Variants in CHODL observed in about 807,000 individuals in gnomAD.
CHODL encodes transmembrane protein MT75.
In CHODL, 29 loss-of-function variants were observed where a neutral mutation model predicts 34.5. That is an observed-to-expected ratio of 0.84 (90% CI 0.63 to 1.15). The LOEUF (loss-of-function observed/expected upper bound fraction) is 1.15. CHODL is among the 50% of genes most tolerant of loss of function. The pLI is 0.00. For missense variants in CHODL, 332 were observed against 332.5 expected (o/e 1.00, Z 0.01); for synonymous variants, 125 against 116.1 (o/e 1.08, Z -0.49).
At chr21:18,009,036 G>C (rs1323812342) in intron 1 of CHODL, among the ~76,000 whole-genome samples, 2 of 152,124 alleles carry the variant, frequency 1.3e-5, no homozygotes, top group African/African-American at 2.4e-5. Flanking sequence ...ACAAGTAAAA[G>C]AGAAAAATAT....
intron 1 of CHODL, among the ~76,000 whole-genome samples, chr21:17,974,328 A>T (rs796930743): frequency 1.3e-5 from 2 of 152,230 alleles, no homozygotes; most frequent in African/African-American, 4.8e-5. Context: ...GCTGGAGTGC[A>T]ATGGTGCGGT....
chr21:18,126,787 A>G (rs955253427), intron 2 of CHODL, among the ~76,000 whole-genome samples: 1 of 152,358 alleles, frequency 6.6e-6, no homozygotes, highest in African/African-American at 2.4e-5. Context: ...AATGCAAATC[A>G]TTCTTCAACT....
At position 17,987,418 on chromosome 21, in the gene CHODL, TCTAC is replaced by T. The variant is rs369222401; in HGVS notation, c.-144-40450_-144-40447del. On this transcript the variant is annotated intron_variant, in intron 1 of 6. Transcript: ENST00000400127. ...TTTTCTAAAAAATATAGCCACTTAT[TCTAC>T]CTAGTAGTGTGTTTGGCATCATTAG... Among the ~76,000 whole-genome samples the T allele has an allele frequency of 2.5e-3, 383 of 152,310 alleles. 4 individuals are homozygous for T. Among genetic ancestry groups the T allele is most frequent in the African/African-American group, 8.9e-3 (368 of 41,580 alleles).
intron 2 of CHODL, among the ~76,000 whole-genome samples, chr21:18,143,205 A>G (rs1156650908): frequency 6.6e-6 from 1 of 152,328 alleles, no homozygotes; most frequent in East Asian, 1.9e-4. Flanking sequence ...CATATTTTCC[A>G]GGTTAAGCAC....
intron 2 of CHODL, among the ~76,000 whole-genome samples, chr21:18,104,460 G>A (rs2065251034): frequency 6.6e-6 from 1 of 152,134 alleles, no homozygotes; most frequent in South Asian, 2.1e-4. Flanking sequence ...GCTGAAGTGT[G>A]AGTCAATTAA....
chr21:17,936,336 G>A (rs1266037602), intron 1 of CHODL, among the ~76,000 whole-genome samples: 2 of 152,118 alleles, frequency 1.3e-5, no homozygotes, highest in African/African-American at 4.8e-5. Context: ...AATGATTTTG[G>A]TTTGAGAAAA....
intron 2 of CHODL, among the ~76,000 whole-genome samples, chr21:18,060,161 A>C (rs972424210): frequency 6.6e-6 from 1 of 152,042 alleles, no homozygotes; most frequent in Non-Finnish European, 1.5e-5. Flanking sequence ...GACACCTTTA[A>C]AATGTCAAAC....
rs1400593107 is a variant in CHODL, at chr21:17,956,191, A to G, written c.-145+38791A>G. On this transcript the variant is annotated intron_variant, in intron 1 of 6. Coordinates refer to the CHODL transcript ENST00000400127. ...CACGGGGGTGGGTCCTTCATGAATG[A>G]TTTGGGTCATCTCCTTGATGACAAG... Among the ~76,000 whole-genome samples the G allele has an allele frequency of 1.5e-5, 2 of 135,832 alleles. 1 individual carries two copies. Among genetic ancestry groups the G allele is most frequent in the Non-Finnish European group, 3.3e-5 (2 of 59,770 alleles). 89.1% of individuals were successfully genotyped at this position (135,832 alleles called of 152,430 possible).
chr21:18,100,683 C>A (rs2065202161), intron 2 of CHODL, among the ~76,000 whole-genome samples: 1 of 151,924 alleles, frequency 6.6e-6, no homozygotes, highest in African/African-American at 2.4e-5. Context: ...TAATTTTGTG[C>A]ATGTATTGAT....
chr21:17,926,521 C>T (rs1479051686), intron 1 of CHODL, among the ~76,000 whole-genome samples: 1 of 151,998 alleles, frequency 6.6e-6, no homozygotes, highest in Non-Finnish European at 1.5e-5. Context: ...AACTTATAAT[C>T]ATGGCAGAAG....
chr21:18,043,974 A>G (rs2064409251), intron 2 of CHODL, among the ~76,000 whole-genome samples: 1 of 151,874 alleles, frequency 6.6e-6, no homozygotes, highest in Non-Finnish European at 1.5e-5. Context: ...AACCATCTCC[A>G]TGATTCAGTT....
intron 1 of CHODL, among the ~76,000 whole-genome samples, chr21:17,921,750 A>G (rs1388231033): frequency 6.6e-6 from 1 of 152,204 alleles, no homozygotes; most frequent in Non-Finnish European, 1.5e-5. Context: ...GTGTTGACAC[A>G]GGTTAAGGCT....
chr21:18,136,656 G>A (rs2146603400), intron 2 of CHODL, among the ~76,000 whole-genome samples: 1 of 147,134 alleles, frequency 6.8e-6, no homozygotes, highest in South Asian at 2.2e-4. Context: ...GGGGCCAAAA[G>A]AATCTTAAGT....
intron 1 of CHODL, among the ~76,000 whole-genome samples, chr21:17,933,962 G>A (rs1172584516): frequency 1.3e-5 from 2 of 151,898 alleles, no homozygotes; most frequent in Non-Finnish European, 2.9e-5. Flanking sequence ...ACTTGAACTG[G>A]GGAGGCAGAG....
chr21:18,204,958 A>G (rs552050785), intron 2 of CHODL, among the ~76,000 whole-genome samples: 1 of 152,310 alleles, frequency 6.6e-6, no homozygotes, highest in East Asian at 1.9e-4. Flanking sequence ...TATATTTTAT[A>G]CCTTCACAAA....
At chr21:17,998,535 GC>G (rs531958548) in intron 1 of CHODL, among the ~76,000 whole-genome samples, 40 of 152,298 alleles carry the variant, frequency 2.6e-4, no homozygotes, top group African/African-American at 9.1e-4. Context: ...TGAGGGCTCT[GC>G]CCCTGCAGCA....
At chr21:18,245,842 AG>A in intron 1 of CHODL, 1 of 1,347,246 alleles carries the variant, frequency 7.4e-7, no homozygotes, top group South Asian at 1.3e-5. Context: ...AAGGAACTGA[AG>A]TGTGGTCATT....
chr21:18,115,463 C>T (rs1306753350), intron 2 of CHODL, among the ~76,000 whole-genome samples: 1 of 152,120 alleles, frequency 6.6e-6, no homozygotes, highest in Non-Finnish European at 1.5e-5. Flanking sequence ...ATCTCTCTGC[C>T]CTCCCTTCTT....
At chr21:18,212,529 G>C (rs1473333987) in intron 2 of CHODL, among the ~76,000 whole-genome samples, 1 of 151,466 alleles carries the variant, frequency 6.6e-6, no homozygotes, top group Non-Finnish European at 1.5e-5. Context: ...ATGAGGCTTT[G>C]GGTGTTTTCA....
Sources: gnomAD v4.1 joint callset for allele counts (sites outside exome capture counted in the v4.1 genomes callset) on GRCh38, gnomAD v4.1.1 for gene constraint, MANE v1.5 for transcripts, NCBI Gene and HGNC (gene_info 2026-07-23, HGNC 2026-07-21) for gene names.